The following GABRR3 variants were observed in gnomAD, a reference collection of about 807,000 sequenced individuals.
The protein encoded by GABRR3 is gamma-aminobutyric acid type A receptor subunit rho3.
GABRR3 carries 29 observed loss-of-function variants against 43.2 expected under a neutral mutation model. The ratio of observed to expected loss-of-function variants is 0.67; its 90% CI spans 0.50 to 0.92. GABRR3 has a LOEUF of 0.92. Ranked by LOEUF, GABRR3 falls within the 40% of genes least tolerant of loss-of-function variation. The pLI, the probability that GABRR3 is intolerant of heterozygous loss-of-function variation, is 0.00. For synonymous variants in GABRR3, 206 were observed against 195.9 expected, an observed-to-expected ratio of 1.05 and a Z score of -0.43; for missense variants, 576 against 572.3, an observed-to-expected ratio of 1.01 and a Z score of -0.07.
exon 1 of GABRR3, chr3:98,035,214 A>C: frequency 1.9e-6 from 1 of 521,366 alleles, no homozygotes; most frequent in Non-Finnish European, 3.3e-6. Context: ...ATTTGAGGAA[A>C]ACAAAGCAGA....
chr3:98,031,808 G>A (rs1326955643), intron 2 of GABRR3, among the ~76,000 whole-genome samples: 1 of 152,098 alleles, frequency 6.6e-6, no homozygotes, highest in Non-Finnish European at 1.5e-5. Context: ...TGACCAGCCA[G>A]TTTCCCTCAG....
chr3:98,017,605 C>T (rs553912185), intron 4 of GABRR3, 50 bp downstream of exon 4: 20 of 1,325,042 alleles, frequency 1.5e-5, no homozygotes, highest in East Asian at 1.2e-4. Context: ...TTGACACTGC[C>T]GAGTTTCTGT....
chr3:98,025,594 C>T lies in GABRR3; in HGVS notation c.211G>A (p.Asp71Asn), dbSNP rs761294963. Reference sequence around the variant, plus strand: ...CCAAATCCAGGTCTCATTGCGAAATCGTTGTCCTCTATATGGAGAAGTTGC... The same window carrying T: ...CCAAATCCAGGTCTCATTGCGAAATTGTTGTCCTCTATATGGAGAAGTTGC... Residue 71 changes from aspartate to asparagine, a missense_variant, in exon 3 of 10, where the codon GAT becomes AAT. Physicochemically the swap from Asp to Asn is conservative, Grantham distance 23 (BLOSUM62 1). Transcript: ENST00000621172. The T allele has an allele frequency of 3.8e-5, 62 of 1,610,856 alleles. No homozygotes were observed. Among genetic ancestry groups the T allele is most frequent in the African/African-American group, 2.0e-4 (15 of 74,718 alleles).
At chr3:98,017,296 A>G (rs1469023348) in intron 4 of GABRR3, among the ~76,000 whole-genome samples, 3 of 152,204 alleles carry the variant, frequency 2.0e-5, no homozygotes, top group African/African-American at 7.2e-5. Context: ...TTATTATTTT[A>G]CAGGCAAGGA....
chr3:97,987,485 TTAG>T (rs1490328157), intron 9 of GABRR3, among the ~76,000 whole-genome samples: 1 of 152,232 alleles, frequency 6.6e-6, no homozygotes, highest in Non-Finnish European at 1.5e-5. Context: ...AAAGCAGCTG[TTAG>T]TAATTGCTCT....
At chr3:98,006,466 T>A (rs1706725564) in intron 7 of GABRR3, among the ~76,000 whole-genome samples, 1 of 152,216 alleles carries the variant, frequency 6.6e-6, no homozygotes, top group Admixed American at 6.5e-5. Context: ...TCCTAGAGAA[T>A]CATTTAACTT....
intron 9 of GABRR3, among the ~76,000 whole-genome samples, chr3:97,992,211 C>T (rs1237991881): frequency 6.6e-6 from 1 of 152,052 alleles, no homozygotes; most frequent in African/African-American, 2.4e-5. Context: ...GGGGAAGAAC[C>T]TCCCTTTATG....
chr3:98,008,380 G>A (rs1706749215), intron 6 of GABRR3, among the ~76,000 whole-genome samples: 1 of 152,226 alleles, frequency 6.6e-6, no homozygotes, highest in Admixed American at 6.5e-5. Flanking sequence ...AGTTAGGGCG[G>A]AGCATCTGTG....
chr3:98,034,750 G>A (rs932523529), intron 2 of GABRR3, 113 bp downstream of exon 2: 4 of 1,290,366 alleles, frequency 3.1e-6, no homozygotes, highest in African/African-American at 1.5e-5. Context: ...GACAGACATG[G>A]TTACAAAGAT....
intron 7 of GABRR3, among the ~76,000 whole-genome samples, chr3:98,005,102 C>A (rs1410734927): frequency 6.6e-6 from 1 of 151,572 alleles, no homozygotes; most frequent in Non-Finnish European, 1.5e-5. Context: ...TTTTTCCTAC[C>A]AATCTCTGTC....
At chr3:98,009,961 C>A (rs1056023688) in intron 5 of GABRR3, among the ~76,000 whole-genome samples, 2 of 152,182 alleles carry the variant, frequency 1.3e-5, no homozygotes, top group African/African-American at 4.8e-5. Context: ...ATGTGAGTGA[C>A]TTAATGACCA....
chr3:97,989,899 C>T (rs933505399), intron 9 of GABRR3, among the ~76,000 whole-genome samples: 6 of 152,148 alleles, frequency 3.9e-5, no homozygotes, highest in African/African-American at 1.4e-4. Flanking sequence ...TTACCAATAA[C>T]AAAGGTGACA....
chr3:97,985,961 T>C (rs1706381097), downstream of GABRR3, among the ~76,000 whole-genome samples: 1 of 152,010 alleles, frequency 6.6e-6, no homozygotes, highest in Non-Finnish European at 1.5e-5. Context: ...CTGCCTCCCA[T>C]GTTAAAGTGA....
In GABRR3 at chr3:98,015,312, C is replaced by T. The variant is rs567539187; in HGVS notation, c.306+2343G>A. On this transcript the variant is annotated intron_variant, in intron 4 of 9. Coordinates refer to ENST00000621172, the Ensembl canonical transcript of GABRR3. ...GGTTCAAGTTATTTTCCTGCCTCAA[C>T]CTACTGAGTAGCTGGGACTACAGGG... 1.5e-3 allele frequency among the ~76,000 whole-genome samples: 232 copies of T among 152,302 alleles called. 1 individual carries two copies. Among genetic ancestry groups the T allele is most frequent in the Middle Eastern group, 0.01 (3 of 294 alleles).
At chr3:98,024,204 CAA>C (rs1330387670) in intron 3 of GABRR3, among the ~76,000 whole-genome samples, 7 of 151,986 alleles carry the variant, frequency 4.6e-5, no homozygotes, top group African/African-American at 1.4e-4. Context: ...CTAAAACATG[CAA>C]CAATTAGCTT....
At chr3:97,985,245 A>T (rs862812), downstream of GABRR3, among the ~76,000 whole-genome samples, 1 of 152,224 alleles carries the variant, frequency 6.6e-6, no homozygotes, top group Non-Finnish European at 1.5e-5. Flanking sequence ...GCACACTGCC[A>T]ATCTGCAAAA....
intron 8 of GABRR3, chr3:97,998,085 A>C (rs893128100): frequency 3.9e-5 from 6 of 152,110 alleles, no homozygotes; most frequent in African/African-American, 1.4e-4. Flanking sequence ...GTAAAAAAAA[A>C]ACTTAAGAAA....
intron 8 of GABRR3, chr3:97,999,225 A>T (rs1484702203): frequency 6.6e-6 from 1 of 152,154 alleles, no homozygotes; most frequent in Non-Finnish European, 1.5e-5. Context: ...AGGGTTTGTC[A>T]CGAAAAGCTA....
intron 8 of GABRR3, among the ~76,000 whole-genome samples, chr3:97,994,851 A>G (rs1706514825): frequency 2.0e-5 from 3 of 152,228 alleles, no homozygotes; most frequent in African/African-American, 7.2e-5. Flanking sequence ...CAAAGAAGAC[A>G]CTGTGGCTTT....
Sources: allele counts gnomAD v4.1 joint callset (sites outside exome capture counted in the v4.1 genomes callset), GRCh38; gene constraint gnomAD v4.1.1; transcripts MANE v1.5; gene names NCBI Gene and HGNC (gene_info 2026-07-23, HGNC 2026-07-21).